PLCB4: variants seen among roughly 807,000 people sequenced by gnomAD.
PLCB4 encodes the protein phospholipase C beta 4, also known as 1-phosphatidylinositol 4,5-bisphosphate phosphodiesterase beta-4.
A neutral mutation model predicts 178.8 loss-of-function variants in PLCB4; 77 were observed. That is an observed-to-expected ratio of 0.43 (90% confidence interval 0.36 to 0.52). PLCB4 has a LOEUF of 0.52. Among genes scored for constraint, PLCB4 ranks in the 20% least tolerant of loss-of-function variants. The pLI, the probability that PLCB4 is intolerant of heterozygous loss-of-function variation, is 0.00. For missense variants in PLCB4, 1,024 were observed against 1,453.4 expected (o/e 0.70, Z 4.80); for synonymous variants, 496 against 490.8 (o/e 1.01, Z -0.14).
At chr20:9,115,255 G>A (rs1027234472) in intron 2 of PLCB4, among the ~76,000 whole-genome samples, 4 of 151,984 alleles carry the variant, frequency 2.6e-5, no homozygotes, top group African/African-American at 7.3e-5. Flanking sequence ...AAATTGAAAC[G>A]AGAACAGTGC....
chr20:9,448,117 A>G (rs1013132974), intron 32 of PLCB4, among the ~76,000 whole-genome samples: 2 of 152,226 alleles, frequency 1.3e-5, no homozygotes, highest in Admixed American at 6.5e-5. Flanking sequence ...TTTTAGGAAC[A>G]TTATGTAGCA....
At chr20:9,296,348 G>A (rs1229266296) in intron 3 of PLCB4, among the ~76,000 whole-genome samples, 1 of 152,156 alleles carries the variant, frequency 6.6e-6, no homozygotes, top group Non-Finnish European at 1.5e-5. Flanking sequence ...CCATTAAAAA[G>A]TCAGGAAACA....
chr20:9,089,050 C>G (rs77748850), intron 1 of PLCB4, among the ~76,000 whole-genome samples: 1 of 151,750 alleles, frequency 6.6e-6, no homozygotes, highest in East Asian at 1.9e-4. Context: ...TGGTTTGGAA[C>G]AAGAAACAGG....
At chr20:9,286,521 T>C in intron 3 of PLCB4, among the ~76,000 whole-genome samples, 1 of 152,026 alleles carries the variant, frequency 6.6e-6, no homozygotes, top group East Asian at 1.9e-4. Context: ...AGGACCAGTG[T>C]TTTATTCCAT....
At chr20:9,180,695 C>T (rs368805408) in intron 2 of PLCB4, among the ~76,000 whole-genome samples, 35 of 152,230 alleles carry the variant, frequency 2.3e-4, no homozygotes, top group African/African-American at 7.2e-4. Flanking sequence ...GTTCTCAATT[C>T]CTCCCTTGGT....
intron 3 of PLCB4, among the ~76,000 whole-genome samples, chr20:9,251,470 G>A (rs1268053549): frequency 1.3e-4 from 20 of 152,232 alleles, no homozygotes; most frequent in Admixed American, 2.0e-4. Flanking sequence ...GAGGTGAAGC[G>A]TTCTATTTTA....
At chr20:9,144,721 GGGGAAGGAGGGGAAGGA>G (rs1568831655) in intron 2 of PLCB4, among the ~76,000 whole-genome samples, 10 of 24,240 alleles carry the variant, frequency 4.1e-4, no homozygotes, top group African/African-American at 3.9e-4. Context: ...AGGGGAAGAA[GGGGAAGGAGGGGAAGGA>G]GGGGAAGGAG....
At chr20:9,421,671 C>T (rs1359353139) in intron 27 of PLCB4, among the ~76,000 whole-genome samples, 2 of 152,174 alleles carry the variant, frequency 1.3e-5, no homozygotes, top group Non-Finnish European at 2.9e-5. Context: ...TGGAAGAGCC[C>T]ATCTCCTGCA....
chr20:9,347,561 AT>A (rs1348701982), intron 7 of PLCB4, among the ~76,000 whole-genome samples: 1 of 152,138 alleles, frequency 6.6e-6, no homozygotes, highest in South Asian at 2.1e-4. Flanking sequence ...ATCCAGGAAT[AT>A]TTTTTTGATG....
At chr20:9,149,322 A>G (rs80286627) in intron 2 of PLCB4, among the ~76,000 whole-genome samples, 277 of 152,202 alleles carry the variant, frequency 1.8e-3, no homozygotes, top group Middle Eastern at 6.8e-3. Context: ...CCCACCTGTT[A>G]GGGAAGATAG....
chr20:9,284,795 G>C (rs762468130), intron 3 of PLCB4, among the ~76,000 whole-genome samples: 1 of 151,686 alleles, frequency 6.6e-6, no homozygotes, highest in Non-Finnish European at 1.5e-5. Flanking sequence ...AGATATAATC[G>C]TTTAAAAAAA....
rs1440816826 is a variant in PLCB4 at position 9,459,770 on chromosome 20, C to G, written c.3208C>G (p.His1070Asp). The change falls in exon 35 of 40, where the codon CAC becomes GAC. Residue 1070 changes from histidine to aspartate, a missense_variant. Coordinates refer to ENST00000378473, the MANE Select transcript of PLCB4 (RefSeq NM_001377142.1). ...ELLKKLLINAHEQQTQQLKLS... is the reference protein window; with the variant it reads ...ELLKKLLINADEQQTQQLKLS... Reference sequence around the variant, plus strand: ...GCTGAAAAAGCTACTCATCAATGCCCACGAGCAGCAAACCCAGCAGCTGAA... The same window carrying G: ...GCTGAAAAAGCTACTCATCAATGCCGACGAGCAGCAAACCCAGCAGCTGAA... The G allele has an allele frequency of 1.9e-6, 3 of 1,612,150 alleles. No homozygotes were observed. The highest frequency in any genetic ancestry group is 8.5e-7 in the Non-Finnish European group (1 of 1,178,470).
intron 7 of PLCB4, among the ~76,000 whole-genome samples, chr20:9,356,502 T>G (rs925824481): frequency 5.3e-5 from 8 of 152,196 alleles, no homozygotes; most frequent in African/African-American, 1.9e-4. Flanking sequence ...AGCCTTCATC[T>G]GTAGATTTGT....
Position 9,321,952 on chromosome 20 carries a change from C to CTTT in PLCB4, c.84+14065_84+14067dup, listed in dbSNP as rs746419205. Among the ~76,000 whole-genome samples, 7 of 140,100 alleles carry CTTT rather than the reference C, an allele frequency of 5.0e-5. 1 individual carries two copies. Among genetic ancestry groups the CTTT allele is most frequent in the East Asian group, 4.1e-4 (2 of 4,850 alleles). 91.9% of individuals were successfully genotyped at this position (140,100 alleles called of 152,430 possible). ...CCTGGCCTTTCTTTTTTTTCTTTTT[C>CTTT]TTTTTTTTTTTTTGATACAGGACCT... On this transcript the variant is annotated intron_variant, in intron 4 of 39. Coordinates refer to ENST00000378473, the MANE Select transcript of PLCB4 (RefSeq NM_001377142.1).
intron 25 of PLCB4, among the ~76,000 whole-genome samples, chr20:9,411,854 T>C (rs2039883970): frequency 6.6e-6 from 1 of 152,154 alleles, no homozygotes; most frequent in South Asian, 2.1e-4. Context: ...AATGGAAAAC[T>C]ATCCCGTCAT....
In PLCB4 at chr20:9,365,530, T is replaced by C. The variant is rs765335344; in HGVS notation, c.503+16T>C. 1.9e-6 allele frequency: 3 copies of C among 1,549,226 alleles called. No homozygotes were observed. The highest frequency in any genetic ancestry group is 1.7e-5 in the Admixed American group (1 of 59,530). ...CAGTTAGGAGGTAAGTAATCATTCCTATCTGCTGTCCGTGTCCCGGGTCAA... is the reference window on the plus strand; with the variant it reads ...CAGTTAGGAGGTAAGTAATCATTCCCATCTGCTGTCCGTGTCCCGGGTCAA... On this transcript the variant is annotated intron_variant, in intron 9 of 39. Transcript: ENST00000378473.
intron 28 of PLCB4, among the ~76,000 whole-genome samples, chr20:9,431,813 G>A (rs984927927): frequency 2.6e-5 from 4 of 151,820 alleles, no homozygotes; most frequent in Non-Finnish European, 5.9e-5. Flanking sequence ...ACCGGCCTCC[G>A]CTTTATTTTC....
At chr20:9,268,342 G>A (rs1239017742) in intron 3 of PLCB4, among the ~76,000 whole-genome samples, 1 of 152,030 alleles carries the variant, frequency 6.6e-6, no homozygotes, top group Admixed American at 6.6e-5. Flanking sequence ...TGCTGTGTTT[G>A]GTTTCATATT....
intron 3 of PLCB4, among the ~76,000 whole-genome samples, chr20:9,287,812 A>T (rs1247742103): frequency 1.4e-4 from 22 of 152,114 alleles, no homozygotes; most frequent in African/African-American, 4.3e-4. Context: ...TGCATGATTT[A>T]TCTGCATTTC....
Sources: gnomAD v4.1 joint callset for allele counts (sites outside exome capture counted in the v4.1 genomes callset) on GRCh38, gnomAD v4.1.1 for gene constraint, MANE v1.5 for transcripts, NCBI Gene and HGNC (gene_info 2026-07-23, HGNC 2026-07-21) for gene names.